RAB37: variants seen among roughly 807,000 people sequenced by gnomAD.
The protein encoded by RAB37 is ras-related protein Rab-37.
A neutral mutation model predicts 33.1 loss-of-function variants in RAB37; 29 were observed. The observed-to-expected ratio is 0.88, with a 90% confidence interval of 0.65 to 1.20. The LOEUF (loss-of-function observed/expected upper bound fraction) is 1.20, where lower values mean the gene tolerates loss of function less well. Ranked by LOEUF, RAB37 falls within the 50% of genes most tolerant of loss-of-function variation. The pLI is 0.00. For synonymous variants in RAB37, 128 were observed against 119.5 expected, an observed-to-expected ratio of 1.07 and a Z score of -0.47; for missense variants, 299 against 301.1, an observed-to-expected ratio of 0.99 and a Z score of 0.05.
At chr17:74,703,052 G>T in intron 1 of RAB37, 1 of 1,613,906 alleles carries the variant, frequency 6.2e-7, no homozygotes, top group Non-Finnish European at 8.5e-7. Context: ...CCAAGTGGTG[G>T]CCGGTCAGAG....
chr17:74,674,225 C>T (rs2031771298), intron 1 of RAB37, among the ~76,000 whole-genome samples: 1 of 152,068 alleles, frequency 6.6e-6, no homozygotes, highest in South Asian at 2.1e-4. Context: ...CAGGCATGTG[C>T]CACCATGCCT....
intron 1 of RAB37, among the ~76,000 whole-genome samples, chr17:74,699,766 G>A (rs1409002210): frequency 2.0e-5 from 3 of 152,114 alleles, no homozygotes; most frequent in Non-Finnish European, 4.4e-5. Flanking sequence ...GACACTGACA[G>A]GCCCTACTGT....
At chr17:74,680,185 T>A (rs993016360) in intron 1 of RAB37, among the ~76,000 whole-genome samples, 3 of 151,964 alleles carry the variant, frequency 2.0e-5, no homozygotes, top group African/African-American at 7.3e-5. Flanking sequence ...AACTGAGGCA[T>A]GGAGACATTA....
At chr17:74,688,528 G>A (rs1422511837) in intron 1 of RAB37, among the ~76,000 whole-genome samples, 4 of 149,918 alleles carry the variant, frequency 2.7e-5, no homozygotes, top group Non-Finnish European at 4.4e-5. Context: ...ACTCCAGCCT[G>A]GGTGACAGAG....
upstream of RAB37, chr17:74,736,478 C>T (rs895780735): frequency 2.2e-6 from 3 of 1,368,762 alleles, no homozygotes; most frequent in African/African-American, 1.5e-5. Flanking sequence ...AAATGATCTA[C>T]GACTTCATGA....
At position 74,742,943 on chromosome 17, in the gene RAB37, GAGCTTGAGAAATCAGTAACTGCTA is replaced by G. The variant is rs1257083607; in HGVS notation, c.247-185_247-162del. ...CTCGGCTGAGGAGATGATTTTGAAC[GAGCTTGAGAAATCAGTAACTGCTA>G]CTGTCCAGGTCATTGGATGCTCAGG... On this transcript the variant is annotated intron_variant, in intron 3 of 8. Transcript: ENST00000392613. This position sits in a 1 kb window ranked among gnomAD's most constrained non-coding sequence, Gnocchi z 4.0. Among the ~76,000 whole-genome samples the G allele has an allele frequency of 1.3e-5, 2 of 152,074 alleles. No individual in the cohort carries two copies. Among genetic ancestry groups the G allele is most frequent in the Admixed American group, 1.3e-4 (2 of 15,276 alleles).
chr17:74,717,465 G>A (rs1419140924), intron 1 of RAB37, among the ~76,000 whole-genome samples: 1 of 152,164 alleles, frequency 6.6e-6, no homozygotes, highest in Admixed American at 6.5e-5. Flanking sequence ...AGAGTAACTA[G>A]GTCAGGAGAG....
chr17:74,736,880 CG>C (rs1325651245), upstream of RAB37: 4 of 1,496,778 alleles, frequency 2.7e-6, no homozygotes, highest in African/African-American at 4.2e-5. Flanking sequence ...GCCCACGGCC[CG>C]GGGCTCGGGC....
At chr17:74,739,946 C>T (rs1438092642) in intron 1 of RAB37, among the ~76,000 whole-genome samples, 1 of 151,456 alleles carries the variant, frequency 6.6e-6, no homozygotes, top group Non-Finnish European at 1.5e-5. Flanking sequence ...CACCTGAGGT[C>T]GGGAGTTCAA....
At chr17:74,739,175 C>A (rs2034548460) in intron 1 of RAB37, among the ~76,000 whole-genome samples, 1 of 152,234 alleles carries the variant, frequency 6.6e-6, no homozygotes, top group Non-Finnish European at 1.5e-5. Context: ...ATAATTCAAA[C>A]CTAGTCCCTG....
At position 74,744,218 on chromosome 17, in the gene RAB37, A is replaced by T; in HGVS notation, c.367-90A>T. 1 of 1,216,840 alleles carries T rather than the reference A, an allele frequency of 8.2e-7. No individual in the cohort carries two copies. The highest frequency in any genetic ancestry group is 1.2e-6 in the Non-Finnish European group (1 of 844,400). The allele number at this position is 1,216,840 out of a possible 1,614,324, so 75.4% of individuals were successfully genotyped here. On this transcript the variant is annotated intron_variant, in intron 5 of 8. Coordinates refer to ENST00000392613, the MANE Select transcript of RAB37 (RefSeq NM_001006638.3). This position sits in a 1 kb window ranked among gnomAD's most constrained non-coding sequence, Gnocchi z 4.2. ...ACGCACAGGGTATCGTGTTCAAGGT[A>T]GTGAGTAACTGAGGATAGTCAAACG...
chr17:74,745,769 GC>G lies in RAB37; in HGVS notation c.*362del. ...ACAAAGGTGGTGTTGCTCCAGCTCAGCCCCAGGGGACACAGATGCACTTTGG... is the reference window on the plus strand; with the variant it reads ...ACAAAGGTGGTGTTGCTCCAGCTCAGCCCAGGGGACACAGATGCACTTTGG... On this transcript the variant is annotated 3_prime_UTR_variant, in exon 9 of 9. Transcript: ENST00000392613. The surrounding 1 kb of genome is among the most constrained non-coding windows in gnomAD (Gnocchi z 4.5). The G allele has an allele frequency of 4.6e-6, 1 of 215,512 alleles. No individual in the cohort carries two copies. Among genetic ancestry groups the G allele is most frequent in the Non-Finnish European group, 9.4e-6 (1 of 106,730 alleles). 13.3% of individuals were successfully genotyped at this position (215,512 alleles called of 1,614,324 possible).
At chr17:74,698,409 G>A (rs1465192444) in intron 1 of RAB37, 1 of 1,613,906 alleles carries the variant, frequency 6.2e-7, no homozygotes, top group Non-Finnish European at 8.5e-7. Flanking sequence ...CCAAGAGTGA[G>A]GCGGCCACCA....
At chr17:74,707,659 G>A (rs2033623971) in intron 1 of RAB37, among the ~76,000 whole-genome samples, 1 of 151,270 alleles carries the variant, frequency 6.6e-6, no homozygotes, top group East Asian at 1.9e-4. Flanking sequence ...AGGTTGCAGT[G>A]AGCCAAGATC....
intron 1 of RAB37, among the ~76,000 whole-genome samples, chr17:74,674,780 A>G (rs2031786885): frequency 6.6e-6 from 1 of 152,206 alleles, no homozygotes; most frequent in Middle Eastern, 3.2e-3. Context: ...AATCACTATC[A>G]AGAGAAAGAA....
intron 1 of RAB37, among the ~76,000 whole-genome samples, chr17:74,726,327 T>C (rs2034307325): frequency 6.6e-6 from 1 of 150,994 alleles, no homozygotes; most frequent in Non-Finnish European, 1.5e-5. Context: ...TGCTGAACCC[T>C]ATGTGCACCC....
chr17:74,691,619 T>C (rs2032158255), intron 1 of RAB37, among the ~76,000 whole-genome samples: 1 of 152,158 alleles, frequency 6.6e-6, no homozygotes, highest in Non-Finnish European at 1.5e-5. Flanking sequence ...CCAAGCCAAA[T>C]TGAGCTAAAT....
In RAB37 at chr17:74,745,382, A is replaced by G. The variant is rs759808920; in HGVS notation, c.643A>G (p.Lys215Glu). ...CCGAGACTATGTAGAGTCCCAGAAG[A>G]AGCGCTCCAGCTGCTGCTCCTTCAT... ...QIRDYVESQK[K>E]RSSCCSFM Residue 215 changes from lysine to glutamate, a missense_variant, in exon 9 of 9, where the codon AAG becomes GAG. Transcript: ENST00000392613. This position sits in a 1 kb window ranked among gnomAD's most constrained non-coding sequence, Gnocchi z 4.5. 5.0e-6 allele frequency: 8 copies of G among 1,614,034 alleles called. No homozygotes were observed. Among genetic ancestry groups the G allele is most frequent in the Non-Finnish European group, 6.8e-6 (8 of 1,180,014 alleles).
chr17:74,695,732 A>G (rs1290591566), intron 1 of RAB37: 3 of 1,613,970 alleles, frequency 1.9e-6, no homozygotes, highest in African/African-American at 2.7e-5. Flanking sequence ...CACCATGGTG[A>G]CATATTCCAC....
Sources: gnomAD v4.1 joint callset for allele counts (sites outside exome capture counted in the v4.1 genomes callset) on GRCh38, gnomAD v4.1.1 for gene constraint, Gnocchi (gnomAD v3.1) non-coding constraint, MANE v1.5 for transcripts, NCBI Gene and HGNC (gene_info 2026-07-23, HGNC 2026-07-21) for gene names.